PHF21B: variants seen among roughly 807,000 people sequenced by gnomAD.
PHF21B encodes the protein PHD finger protein 4.
In PHF21B, 22 loss-of-function variants were observed where a neutral mutation model predicts 62.2. The ratio of observed to expected loss-of-function variants is 0.35; its 90% CI spans 0.25 to 0.51. The LOEUF (loss-of-function observed/expected upper bound fraction) is 0.51. Ranked by LOEUF, PHF21B falls within the 20% of genes least tolerant of loss-of-function variation. The pLI is 0.97. For missense variants in PHF21B, 701 were observed against 707.9 expected (o/e 0.99, Z 0.11); for synonymous variants, 341 against 314.7 (o/e 1.08, Z -0.88).
intron 2 of PHF21B, among the ~76,000 whole-genome samples, chr22:44,981,489 G>T (rs1465661993): frequency 4.6e-5 from 7 of 152,226 alleles, no homozygotes; most frequent in African/African-American, 1.7e-4. Flanking sequence ...GGCCTGGCAG[G>T]CAGCAGGTGC....
intron 12 of PHF21B, among the ~76,000 whole-genome samples, chr22:44,884,044 CCACCACCACCAT>C (rs1425216014): frequency 5.2e-5 from 2 of 38,502 alleles, no homozygotes; most frequent in African/African-American, 3.4e-4. Context: ...GTGATCAGCA[CCACCACCACCAT>C]CACCACCACC....
At chr22:44,994,430 C>T (rs866595151) in intron 2 of PHF21B, among the ~76,000 whole-genome samples, 11 of 152,338 alleles carry the variant, frequency 7.2e-5, no homozygotes, top group South Asian at 2.1e-4. Context: ...TTCCAGAAGC[C>T]GCCAGGGGCT....
chr22:44,889,961 G>GC (rs768666657), intron 8 of PHF21B, among the ~76,000 whole-genome samples, 179 bp from the exon 9 acceptor site: 44 of 150,830 alleles, frequency 2.9e-4, no homozygotes, highest in Admixed American at 2.0e-3. Flanking sequence ...ATATCACAAG[G>GC]CCCTGTGATA....
chr22:44,976,022 T>G (rs1415255174), intron 2 of PHF21B, among the ~76,000 whole-genome samples: 1 of 152,046 alleles, frequency 6.6e-6, no homozygotes, highest in Non-Finnish European at 1.5e-5. Context: ...TTCAAAAAAT[T>G]TGGCCTGGCA....
intron 2 of PHF21B, among the ~76,000 whole-genome samples, chr22:44,995,694 C>CA (rs1227244657): frequency 6.6e-6 from 1 of 152,164 alleles, no homozygotes; most frequent in Non-Finnish European, 1.5e-5. Flanking sequence ...GAGTCTGACT[C>CA]AGTCACTGCA....
intron 2 of PHF21B, chr22:44,970,852 C>T (rs372948347): frequency 2.2e-4 from 33 of 152,318 alleles, no homozygotes; most frequent in African/African-American, 7.9e-4. Context: ...AATCTGCATG[C>T]TGATTACATT....
chr22:44,942,338 G>A (rs577088808), intron 2 of PHF21B, among the ~76,000 whole-genome samples: 1 of 152,246 alleles, frequency 6.6e-6, no homozygotes, highest in Non-Finnish European at 1.5e-5. Context: ...TAGGACCCTG[G>A]GGGCACCCTC....
At chr22:44,889,634 G>T in intron 9 of PHF21B, 126 bp downstream of exon 9, 2 of 1,204,760 alleles carry the variant, frequency 1.7e-6, no homozygotes, top group Non-Finnish European at 2.3e-6. Context: ...GCACCTAAAG[G>T]CAGAACCGAA....
intron 2 of PHF21B, among the ~76,000 whole-genome samples, chr22:44,946,233 G>A (rs549825260): frequency 1.4e-5 from 2 of 146,966 alleles, no homozygotes; most frequent in African/African-American, 2.7e-5. Context: ...GGCTCGGGGT[G>A]GGGAGGGATG....
chr22:44,980,571 A>C (rs931092583), intron 2 of PHF21B, among the ~76,000 whole-genome samples: 60 of 152,220 alleles, frequency 3.9e-4, no homozygotes, highest in African/African-American at 1.4e-3. Context: ...AAAGATTGGA[A>C]AAGGGATGAG....
At chr22:44,955,591 T>A (rs2072279865) in intron 2 of PHF21B, among the ~76,000 whole-genome samples, 1 of 152,218 alleles carries the variant, frequency 6.6e-6, no homozygotes. Flanking sequence ...TCTCTCTTCC[T>A]GAGCGGGGAG....
At chr22:44,905,698 A>G (rs993241076) in intron 5 of PHF21B, among the ~76,000 whole-genome samples, 3 of 151,928 alleles carry the variant, frequency 2.0e-5, no homozygotes, top group Non-Finnish European at 4.4e-5. Context: ...GCACCATCTC[A>G]GCTCACTGCA....
At chr22:44,986,597 T>C (rs988061957) in intron 2 of PHF21B, among the ~76,000 whole-genome samples, 1 of 150,866 alleles carries the variant, frequency 6.6e-6, no homozygotes, top group Non-Finnish European at 1.5e-5. Flanking sequence ...ATGTTTAGTA[T>C]GTCTGGGAAA....
intron 2 of PHF21B, among the ~76,000 whole-genome samples, chr22:44,970,426 G>T (rs1024373240): frequency 1.3e-5 from 2 of 152,216 alleles, no homozygotes; most frequent in Non-Finnish European, 2.9e-5. Flanking sequence ...GGTGGGACCT[G>T]GTAGGGCTGG....
At chr22:44,995,506 C>T (rs1180248126) in intron 2 of PHF21B, among the ~76,000 whole-genome samples, 1 of 152,156 alleles carries the variant, frequency 6.6e-6, no homozygotes, top group African/African-American at 2.4e-5. Context: ...TCCCGAGGCA[C>T]TCTGGTTGTG....
intron 2 of PHF21B, among the ~76,000 whole-genome samples, chr22:44,939,161 G>A (rs1366701795): frequency 1.3e-5 from 2 of 152,250 alleles, no homozygotes; most frequent in Non-Finnish European, 2.9e-5. Flanking sequence ...CAGGGCTGGG[G>A]AAGAGGGAGA....
chr22:44,957,070 C>T (rs1469687401), intron 2 of PHF21B, among the ~76,000 whole-genome samples: 1 of 152,038 alleles, frequency 6.6e-6, no homozygotes. Flanking sequence ...AGTCCAATGG[C>T]CACCTCCACC....
chr22:44,931,641 G>GGT (rs200044985), intron 2 of PHF21B, among the ~76,000 whole-genome samples: 257 of 86,520 alleles, frequency 3.0e-3, no homozygotes, highest in Non-Finnish European at 4.7e-3. Flanking sequence ...TTGTGATCTT[G>GGT]GGGGGGGGGT....
At chr22:45,008,965 C>G in intron 1 of PHF21B, 1 of 1,077,910 alleles carries the variant, frequency 9.3e-7, no homozygotes, top group Non-Finnish European at 1.1e-6. Flanking sequence ...GTAAACACGG[C>G]GAGTCCGTGT....
Sources: allele counts gnomAD v4.1 joint callset (sites outside exome capture counted in the v4.1 genomes callset), GRCh38; gene constraint gnomAD v4.1.1; transcripts MANE v1.5; gene names NCBI Gene and HGNC (gene_info 2026-07-23, HGNC 2026-07-21).